Variants in DPP6 observed in about 807,000 individuals in gnomAD.
DPP6 encodes the protein dipeptidyl peptidase like 6.
DPP6 carries 69 observed loss-of-function variants against 122.6 expected under a neutral mutation model. The ratio of observed to expected loss-of-function variants is 0.56; its 90% confidence interval spans 0.46 to 0.69. The LOEUF (loss-of-function observed/expected upper bound fraction) is 0.69, where lower values mean the gene tolerates loss of function less well. Ranked by LOEUF, DPP6 falls within the 30% of genes least tolerant of loss-of-function variation. The pLI is 0.00. For missense variants in DPP6, 928 were observed against 1,116.9 expected, an observed-to-expected ratio of 0.83 and a Z score of 2.41; for synonymous variants, 418 against 433.1, an observed-to-expected ratio of 0.97 and a Z score of 0.43.
At chr7:154,008,523 C>G (rs564359502) in intron 1 of DPP6, among the ~76,000 whole-genome samples, 2,972 of 151,986 alleles carry the variant, frequency 0.02, 40 homozygotes, top group African/African-American at 0.065. Context: ...CATAGAAACA[C>G]ATTTCTATGT....
chr7:154,716,868 C>G (rs1390854113), intron 7 of DPP6, among the ~76,000 whole-genome samples: 1 of 152,124 alleles, frequency 6.6e-6, no homozygotes, highest in Non-Finnish European at 1.5e-5. Flanking sequence ...CAGTCTTGCT[C>G]TGTTGCCCAG....
chr7:154,278,116 G>A (rs560347591), intron 1 of DPP6, among the ~76,000 whole-genome samples: 2 of 152,174 alleles, frequency 1.3e-5, no homozygotes, highest in Non-Finnish European at 1.5e-5. Flanking sequence ...TTCATTAAGA[G>A]GCAGTCTGTT....
At chr7:154,544,851 G>T (rs1261905337) in intron 4 of DPP6, among the ~76,000 whole-genome samples, 6 of 152,196 alleles carry the variant, frequency 3.9e-5, no homozygotes, top group Non-Finnish European at 7.3e-5. Context: ...GGAGTGGGTT[G>T]GTTCTATGAA....
chr7:154,805,911 C>A (rs1798666291), intron 15 of DPP6, among the ~76,000 whole-genome samples: 1 of 152,190 alleles, frequency 6.6e-6, no homozygotes, highest in South Asian at 2.1e-4. Flanking sequence ...GGATGTTGTT[C>A]AGGGGAGACC....
At chr7:154,876,581 G>A (rs540149835) in intron 20 of DPP6, among the ~76,000 whole-genome samples, 96 of 152,280 alleles carry the variant, frequency 6.3e-4, no homozygotes, top group African/African-American at 2.2e-3. Context: ...TGCCCTTCCC[G>A]GCTCTGAGGA....
At chr7:154,409,744 T>A in intron 1 of DPP6, among the ~76,000 whole-genome samples, 1 of 152,216 alleles carries the variant, frequency 6.6e-6, no homozygotes. Context: ...AGGTTCCTTT[T>A]ACTTGTGAAT....
In DPP6 at chr7:154,446,342, T is replaced by G; in HGVS notation, c.358+14T>G. On this transcript the variant is annotated intron_variant, in intron 2 of 25. Coordinates refer to ENST00000377770, the MANE Select transcript of DPP6 (RefSeq NM_130797.4). ...TTCTGACACCAGGTACTGTATTCAT[T>G]CTTGGAAAAGCAAGTCGCTGTCAGA... 1 of 1,590,506 alleles carries G rather than the reference T, an allele frequency of 6.3e-7. No individual in the cohort carries two copies. Among genetic ancestry groups the G allele is most frequent in the Non-Finnish European group, 8.6e-7 (1 of 1,168,416 alleles).
chr7:153,939,007 T>G (rs1050738849), intron 1 of DPP6, among the ~76,000 whole-genome samples: 3 of 152,232 alleles, frequency 2.0e-5, no homozygotes, highest in Non-Finnish European at 4.4e-5. Context: ...TTGTGTGCAC[T>G]TATAATACAA....
At chr7:154,332,773 G>T (rs1170793804) in intron 1 of DPP6, among the ~76,000 whole-genome samples, 1 of 152,168 alleles carries the variant, frequency 6.6e-6, no homozygotes, top group Non-Finnish European at 1.5e-5. Flanking sequence ...GTCTTTCTTT[G>T]TCGAGCTCTA....
chr7:154,040,658 A>AT (rs775669651), intron 1 of DPP6, among the ~76,000 whole-genome samples: 2 of 152,038 alleles, frequency 1.3e-5, no homozygotes, highest in African/African-American at 4.8e-5. Flanking sequence ...AGGATAATTT[A>AT]TTTTGTTAAC....
At chr7:153,792,410 G>A in the DPP6 span, among the ~76,000 whole-genome samples, 1 of 152,232 alleles carries the variant, frequency 6.6e-6, no homozygotes, top group Non-Finnish European at 1.5e-5. Context: ...TTGACTGGAA[G>A]ACTTTGTGTA....
the DPP6 span, among the ~76,000 whole-genome samples, chr7:153,857,352 C>CTCTCTG: frequency 6.6e-6 from 1 of 151,546 alleles, no homozygotes; most frequent in African/African-American, 2.4e-5. Flanking sequence ...CTCTCTCTCT[C>CTCTCTG]TCTCTCTCAG....
At chr7:154,853,930 A>G (rs1802609398) in intron 17 of DPP6, 103 bp downstream of exon 17, 2 of 1,469,368 alleles carry the variant, frequency 1.4e-6, no homozygotes, top group South Asian at 1.2e-5. Flanking sequence ...TCAGAGACAG[A>G]GGGATGAGTC....
chr7:154,395,618 G>T (rs1161016825), intron 1 of DPP6, among the ~76,000 whole-genome samples: 1 of 151,984 alleles, frequency 6.6e-6, no homozygotes, highest in African/African-American at 2.4e-5. Context: ...TTTGCAGAAT[G>T]TACTGATTAG....
intron 8 of DPP6, among the ~76,000 whole-genome samples, chr7:154,740,727 T>C (rs1471665217): frequency 1.3e-5 from 2 of 152,194 alleles, no homozygotes; most frequent in Admixed American, 6.5e-5. Context: ...TGCTCCTCAG[T>C]TGCAATGGTG....
chr7:154,127,672 C>T (rs28601584), intron 1 of DPP6, among the ~76,000 whole-genome samples: 2 of 142,336 alleles, frequency 1.4e-5, no homozygotes, highest in African/African-American at 2.5e-5. Context: ...CACACACACA[C>T]ACACAAAACA....
At chr7:153,965,851 G>C (rs1795683469) in intron 1 of DPP6, among the ~76,000 whole-genome samples, 1 of 150,492 alleles carries the variant, frequency 6.6e-6, no homozygotes, top group Non-Finnish European at 1.5e-5. Context: ...TAGCTGCTCT[G>C]TTAACCTGGA....
intron 1 of DPP6, among the ~76,000 whole-genome samples, chr7:154,014,184 G>C (rs1216565731): frequency 6.7e-6 from 1 of 149,382 alleles, no homozygotes; most frequent in East Asian, 2.0e-4. Context: ...CTACCGAAGT[G>C]ATGAGAACTG....
At chr7:154,564,442 T>G (rs1214395169) in intron 4 of DPP6, among the ~76,000 whole-genome samples, 1 of 152,186 alleles carries the variant, frequency 6.6e-6, no homozygotes, top group African/African-American at 2.4e-5. Flanking sequence ...AAAAAACACC[T>G]TATGCTTCCA....
Sources: allele counts gnomAD v4.1 joint callset (sites outside exome capture counted in the v4.1 genomes callset), GRCh38; gene constraint gnomAD v4.1.1; transcripts MANE v1.5; gene names NCBI Gene and HGNC (gene_info 2026-07-23, HGNC 2026-07-21).